Variants in CA8 observed in about 807,000 individuals in gnomAD.
The protein encoded by CA8 is carbonic anhydrase 8 (inactive), also known as carbonic anhydrase-related protein.
Under a neutral mutation model 41.4 loss-of-function variants are expected in CA8, and 22 were observed. The observed-to-expected ratio is 0.53, with a 90% CI of 0.38 to 0.76. The LOEUF is 0.76. Ranked by LOEUF, CA8 falls within the 30% of genes least tolerant of loss-of-function variation. The probability of loss-of-function intolerance (pLI) is 0.00; values close to 1 mark genes in which losing one functional copy is unlikely to be tolerated. For missense variants in CA8, 270 were observed against 352.8 expected (o/e 0.77, Z 1.88); for synonymous variants, 121 against 130.6 (o/e 0.93, Z 0.50).
intron 8 of CA8, among the ~76,000 whole-genome samples, chr8:60,204,559 TTGG>T (rs1249414939): frequency 6.6e-6 from 1 of 152,234 alleles, no homozygotes; most frequent in African/African-American, 2.4e-5. Context: ...GTATTTTTCA[TTGG>T]TGGGTTAATA....
chr8:60,233,429 G>T (rs1807727144), intron 3 of CA8, among the ~76,000 whole-genome samples: 1 of 152,098 alleles, frequency 6.6e-6, no homozygotes, highest in Non-Finnish European at 1.5e-5. Context: ...AGCTAATGAA[G>T]TCCTCTACCA....
chr8:60,260,465 A>G (rs552324928), intron 3 of CA8, among the ~76,000 whole-genome samples: 19 of 152,340 alleles, frequency 1.2e-4, no homozygotes, highest in African/African-American at 4.6e-4. Context: ...ACAGACATCA[A>G]AACTCCTTAT....
At chr8:60,257,392 G>C (rs1256069687) in intron 3 of CA8, among the ~76,000 whole-genome samples, 1 of 152,106 alleles carries the variant, frequency 6.6e-6, no homozygotes. Flanking sequence ...ACACAGCAGG[G>C]TTTACTCTTC....
chr8:60,242,460 TC>T (rs1808062849), intron 3 of CA8, among the ~76,000 whole-genome samples: 1 of 152,056 alleles, frequency 6.6e-6, no homozygotes, highest in South Asian at 2.1e-4. Flanking sequence ...CCACCTCTGA[TC>T]CCAAGAGGGA....
chr8:60,194,220 T>G (rs562912996), intron 8 of CA8, among the ~76,000 whole-genome samples: 33 of 152,310 alleles, frequency 2.2e-4, no homozygotes, highest in South Asian at 2.1e-3. Flanking sequence ...TTAACTCACT[T>G]TATTGTCTGA....
intron 3 of CA8, among the ~76,000 whole-genome samples, chr8:60,254,101 CAT>C (rs1194868261): frequency 6.6e-5 from 10 of 152,310 alleles, no homozygotes; most frequent in South Asian, 4.2e-4. Context: ...TATCTTTTCA[CAT>C]GTTTCTGTCT....
chr8:60,217,629 A>G (rs1311039024), intron 7 of CA8, among the ~76,000 whole-genome samples: 1 of 152,134 alleles, frequency 6.6e-6, no homozygotes, highest in Non-Finnish European at 1.5e-5. Flanking sequence ...AGGCATCTCA[A>G]ACTCTCAATA....
chr8:60,264,616 C>T (rs951903423), intron 3 of CA8, among the ~76,000 whole-genome samples: 5 of 152,294 alleles, frequency 3.3e-5, no homozygotes, highest in African/African-American at 1.2e-4. Flanking sequence ...AGCTCCTAGA[C>T]AGGTAAGCTC....
At chr8:60,235,477 A>T (rs1218721106) in intron 3 of CA8, among the ~76,000 whole-genome samples, 2 of 152,236 alleles carry the variant, frequency 1.3e-5, no homozygotes, top group African/African-American at 4.8e-5. Flanking sequence ...TCTGCCCATG[A>T]CACCAGCTAT....
rs1806005898 is a variant in CA8, at chr8:60,187,827, CCT to C, written c.*2192_*2193del. ...CTATGACATTTGTCATTAATTCTCC[CCT>C]TTTTCTTTGGGAGATTCCTGCCCCA... On this transcript the variant is annotated 3_prime_UTR_variant, in exon 9 of 9. Transcript: ENST00000317995. The C allele has an allele frequency of 6.6e-6, 1 of 152,242 alleles. No individual in the cohort carries two copies. Among genetic ancestry groups the C allele is most frequent in the Admixed American group, 6.5e-5 (1 of 15,284 alleles). 9.4% of individuals were successfully genotyped at this position (152,242 alleles called of 1,614,324 possible).
chr8:60,205,814 T>A (rs1327571042), intron 8 of CA8, among the ~76,000 whole-genome samples: 5 of 152,190 alleles, frequency 3.3e-5, no homozygotes, highest in Non-Finnish European at 5.9e-5. Flanking sequence ...CAGTAAAACA[T>A]AGCTAAAATA....
chr8:60,277,449 G>A (rs1189882350), intron 2 of CA8, among the ~76,000 whole-genome samples: 1 of 152,060 alleles, frequency 6.6e-6, no homozygotes, highest in African/African-American at 2.4e-5. Context: ...CGCCTCCCAG[G>A]TTCAAGTGAT....
intron 8 of CA8, among the ~76,000 whole-genome samples, chr8:60,203,363 C>T (rs1191918236): frequency 6.6e-6 from 1 of 152,170 alleles, no homozygotes; most frequent in African/African-American, 2.4e-5. Flanking sequence ...TGTCACTACT[C>T]TTACACGGTC....
rs1805986148 is a variant in CA8, at chr8:60,187,084, C to T, written c.*2937G>A. ...CTGCAGGATAAACCATATGCTAAGCCAGAAAGCAAACCTCGATAAATTTAA... is the reference window on the plus strand; with the variant it reads ...CTGCAGGATAAACCATATGCTAAGCTAGAAAGCAAACCTCGATAAATTTAA... On this transcript the variant is annotated 3_prime_UTR_variant, in exon 9 of 9. Coordinates refer to ENST00000317995, the MANE Select transcript of CA8 (RefSeq NM_004056.6). Among the ~76,000 whole-genome samples the T allele has an allele frequency of 6.6e-6, 1 of 151,928 alleles. No individual in the cohort carries two copies. The highest frequency in any genetic ancestry group is 2.4e-5 in the African/African-American group (1 of 41,388).
At chr8:60,215,124 A>C (rs1214675899) in intron 7 of CA8, among the ~76,000 whole-genome samples, 1 of 152,184 alleles carries the variant, frequency 6.6e-6, no homozygotes, top group Non-Finnish European at 1.5e-5. Flanking sequence ...TAAGATTAAT[A>C]TGTATTCACA....
At chr8:60,194,522 T>C (rs1326593145) in intron 8 of CA8, among the ~76,000 whole-genome samples, 1 of 152,192 alleles carries the variant, frequency 6.6e-6, no homozygotes, top group Non-Finnish European at 1.5e-5. Context: ...ACTCACTCAA[T>C]TGTGTCTGTG....
intron 4 of CA8, among the ~76,000 whole-genome samples, chr8:60,228,218 C>G (rs988717953): frequency 7.2e-5 from 11 of 152,196 alleles, no homozygotes; most frequent in African/African-American, 2.6e-4. Flanking sequence ...TTCCAAGAGT[C>G]TACAATTATT....
At position 60,186,078 on chromosome 8, in the gene CA8, C is replaced by T. The variant is rs1805954937; in HGVS notation, c.*3943G>A. ...CACACCAGATGGTGACTCAAATTTA[C>T]AAGACAAAATGAACATAACCAGAAA... On this transcript the variant is annotated 3_prime_UTR_variant, in exon 9 of 9. Coordinates refer to ENST00000317995, the MANE Select transcript of CA8 (RefSeq NM_004056.6). Among the ~76,000 whole-genome samples the T allele has an allele frequency of 6.6e-6, 1 of 151,942 alleles. No homozygotes were observed. The highest frequency in any genetic ancestry group is 1.5e-5 in the Non-Finnish European group (1 of 67,922).
chr8:60,227,384 A>G (rs1293067734), intron 4 of CA8, among the ~76,000 whole-genome samples: 1 of 152,206 alleles, frequency 6.6e-6, no homozygotes, highest in Non-Finnish European at 1.5e-5. Context: ...AACTAGGTCA[A>G]TGTCTACTAA....
Sources: gnomAD v4.1 joint callset for allele counts (sites outside exome capture counted in the v4.1 genomes callset) on GRCh38, gnomAD v4.1.1 for gene constraint, MANE v1.5 for transcripts, NCBI Gene and HGNC (gene_info 2026-07-23, HGNC 2026-07-21) for gene names.